SPDYE18: variants seen among roughly 807,000 people sequenced by gnomAD.
SPDYE18 encodes speedy protein E18.
SPDYE18 carries 6 observed loss-of-function variants against 44.9 expected under a neutral mutation model. The observed-to-expected ratio is 0.13, with a 90% CI of 0.07 to 0.26. The LOEUF is 0.26. Ranked by LOEUF, SPDYE18 falls within the 10% of genes least tolerant of loss-of-function variation. SPDYE18 has a pLI of 1.00. For missense variants in SPDYE18, 121 were observed against 463.2 expected, an observed-to-expected ratio of 0.26 and a Z score of 6.78; for synonymous variants, 35 against 177.1, an observed-to-expected ratio of 0.20 and a Z score of 6.37.
chr7:77,058,221 T>G (rs1256528305), intron 3 of SPDYE18, among the ~76,000 whole-genome samples: 34 of 107,072 alleles, frequency 3.2e-4, no homozygotes, highest in Non-Finnish European at 4.9e-4. Flanking sequence ...AACCTCCGCC[T>G]CCTGGGTTCC....
rs1789805604 is a variant in SPDYE18 at position 77,051,840 on chromosome 7, G to C, written c.*85C>G. On this transcript the variant is annotated 3_prime_UTR_variant, in exon 9 of 9. Transcript: ENST00000510091. The stretch of plus-strand genomic sequence containing the variant: ...TGTCTGCCATTAGCATTGGAATAAA[G>C]TTCCTGCTGAAAATCCACATCTCCC... Among the ~76,000 whole-genome samples, 1 of 151,842 alleles carries C rather than the reference G, an allele frequency of 6.6e-6. No homozygotes were observed. The highest frequency in any genetic ancestry group is 1.5e-5 in the Non-Finnish European group (1 of 67,988).
intron 6 of SPDYE18, among the ~76,000 whole-genome samples, chr7:77,054,413 G>T (rs1165676314): frequency 6.7e-6 from 1 of 148,474 alleles, no homozygotes; most frequent in African/African-American, 2.5e-5. Flanking sequence ...TAAGGAAGTT[G>T]TTCAGGTGGG....
chr7:77,059,009 G>A (rs1224047327), intron 3 of SPDYE18, among the ~76,000 whole-genome samples, 171 bp downstream of exon 3: 1 of 151,888 alleles, frequency 6.6e-6, no homozygotes, highest in Non-Finnish European at 1.5e-5. Flanking sequence ...GTCTAGCCTA[G>A]TCCTCTATCA....
chr7:77,052,346 T>C (rs62474221), intron 8 of SPDYE18, among the ~76,000 whole-genome samples: 31,328 of 145,310 alleles, frequency 0.22, 509 homozygotes, highest in African/African-American at 0.24. Flanking sequence ...CGTGGTTAGC[T>C]GCACAAGATG....
chr7:77,053,442 C>G (rs1003352887), intron 6 of SPDYE18, among the ~76,000 whole-genome samples: 1 of 152,280 alleles, frequency 6.6e-6, no homozygotes, highest in African/African-American at 2.4e-5. Context: ...GTGGCTTATG[C>G]CTGGAATCCC....
At chr7:77,060,281 G>A (rs1248511510) in intron 2 of SPDYE18, 72 bp downstream of exon 2, 2 of 1,529,672 alleles carry the variant, frequency 1.3e-6, no homozygotes, top group Non-Finnish European at 1.7e-6. Flanking sequence ...ACAGGCGTGA[G>A]CCACCGCACC....
intron 6 of SPDYE18, among the ~76,000 whole-genome samples, 198 bp from the exon 7 acceptor site, chr7:77,053,401 G>T (rs1583974187): frequency 6.6e-6 from 1 of 152,234 alleles, no homozygotes. Flanking sequence ...CTTCAGGATG[G>T]AGACAAAAGC....
In SPDYE18 at chr7:77,051,420, A is replaced by G. The variant is rs1789794507; in HGVS notation, c.*505T>C. The stretch of plus-strand genomic sequence containing the variant: ...TTCAATGGCCAACATTTCCAAACAA[A>G]CCAATAAAATGCAGAGTGTGCATGA... On this transcript the variant is annotated 3_prime_UTR_variant, in exon 9 of 9. Coordinates refer to ENST00000510091, the MANE Select transcript of SPDYE18 (RefSeq NM_001394953.1). Among the ~76,000 whole-genome samples, 1 of 152,280 alleles carries G rather than the reference A, an allele frequency of 6.6e-6. No individual in the cohort carries two copies. Among genetic ancestry groups the G allele is most frequent in the South Asian group, 2.1e-4 (1 of 4,836 alleles).
intron 3 of SPDYE18, among the ~76,000 whole-genome samples, chr7:77,058,856 A>C (rs1789974852): frequency 6.6e-6 from 1 of 151,962 alleles, no homozygotes; most frequent in Admixed American, 6.6e-5. Flanking sequence ...GCAGTGGTGC[A>C]GTCATAGCTC....
intron 6 of SPDYE18, among the ~76,000 whole-genome samples, chr7:77,054,730 C>A (rs1324529874): frequency 1.3e-4 from 19 of 148,104 alleles, no homozygotes; most frequent in African/African-American, 4.4e-4. Flanking sequence ...TTGTTTTATT[C>A]TTTTATTTGT....
Sources: gnomAD v4.1 joint callset for allele counts (sites outside exome capture counted in the v4.1 genomes callset) on GRCh38, gnomAD v4.1.1 for gene constraint, MANE v1.5 for transcripts, NCBI Gene and HGNC (gene_info 2026-07-23, HGNC 2026-07-21) for gene names.